NETO1: variants seen among roughly 807,000 people sequenced by gnomAD.
The protein encoded by NETO1 is neuropilin and tolloid-like protein 1.
In NETO1, 26 loss-of-function variants were observed where a neutral mutation model predicts 61.3. The observed-to-expected ratio is 0.42, with a 90% CI of 0.31 to 0.59. NETO1 has a LOEUF of 0.59. Ranked by LOEUF, NETO1 falls within the 20% of genes least tolerant of loss-of-function variation. The probability of loss-of-function intolerance (pLI) is 0.12; values close to 1 mark genes in which losing one functional copy is unlikely to be tolerated. For synonymous variants in NETO1, 225 were observed against 225.8 expected, an observed-to-expected ratio of 1.00 and a Z score of 0.03; for missense variants, 531 against 662.8, an observed-to-expected ratio of 0.80 and a Z score of 2.18.
chr18:72,751,054 C>CACACACAT (rs1205476345), intron 8 of NETO1, among the ~76,000 whole-genome samples: 2 of 151,250 alleles, frequency 1.3e-5, no homozygotes, highest in East Asian at 3.9e-4. Flanking sequence ...TTAAAATACA[C>CACACACAT]ACACACACAC....
At chr18:72,766,133 G>A (rs1374989654) in intron 7 of NETO1, among the ~76,000 whole-genome samples, 1 of 151,884 alleles carries the variant, frequency 6.6e-6, no homozygotes, top group Admixed American at 6.6e-5. Context: ...TTGAACCCAG[G>A]AGGTGGAGGT....
intron 4 of NETO1, 102 bp from the exon 5 acceptor site, chr18:72,794,506 A>T: frequency 4.4e-6 from 5 of 1,136,106 alleles, no homozygotes; most frequent in Non-Finnish European, 6.4e-6. Context: ...TACCTTAAAA[A>T]ACACATTAGG....
intron 1 of NETO1, chr18:72,865,774 G>T: frequency 7.7e-7 from 1 of 1,303,402 alleles, no homozygotes; most frequent in South Asian, 1.6e-5. Context: ...AGATTAATGT[G>T]GATTGTGGGC....
chr18:72,781,954 T>C (rs1412377008), intron 7 of NETO1, among the ~76,000 whole-genome samples: 3 of 152,136 alleles, frequency 2.0e-5, no homozygotes, highest in Non-Finnish European at 4.4e-5. Flanking sequence ...ACCCATATAA[T>C]AAGCATAGTA....
intron 3 of NETO1, among the ~76,000 whole-genome samples, chr18:72,861,420 ACT>A (rs199686427): frequency 0.011 from 1,688 of 152,240 alleles, 36 homozygotes; most frequent in African/African-American, 0.038. Context: ...AAGCTCTCTA[ACT>A]CTCTCAACTT....
intron 6 of NETO1, 127 bp downstream of exon 6, chr18:72,793,990 T>C: frequency 7.9e-7 from 1 of 1,258,274 alleles, no homozygotes; most frequent in Non-Finnish European, 1.1e-6. Flanking sequence ...AAAACCAAAA[T>C]GAAATCATAG....
intron 4 of NETO1, among the ~76,000 whole-genome samples, chr18:72,852,049 A>C (rs2074266504): frequency 6.6e-6 from 1 of 152,192 alleles, no homozygotes; most frequent in Non-Finnish European, 1.5e-5. Context: ...AATAATGGAA[A>C]TATATCTAGG....
At position 72,865,574 on chromosome 18, in the gene NETO1, C is replaced by T. The variant is rs201459002; in HGVS notation, c.29-333G>A. On this transcript the variant is annotated intron_variant, in intron 1 of 10. Transcript: ENST00000327305. ...GGAGTCACACTGTATCTAAACTACC[C>T]TTAGGGAATGGCTCTGCCAGCATCT... is the stretch of plus-strand genomic sequence containing the variant. 76 of 1,607,432 alleles carry T rather than the reference C, an allele frequency of 4.7e-5. No individual in the cohort carries two copies. In the African/African-American group the frequency reaches 9.9e-4, roughly 21 times the overall value.
At chr18:72,786,942 C>G (rs2071941475) in intron 6 of NETO1, among the ~76,000 whole-genome samples, 2 of 149,614 alleles carry the variant, frequency 1.3e-5, no homozygotes, top group African/African-American at 4.9e-5. Context: ...AAGGCTGGAG[C>G]AAAGAAGAAA....
chr18:72,764,281 T>G (rs143700256), intron 7 of NETO1, among the ~76,000 whole-genome samples: 1 of 152,296 alleles, frequency 6.6e-6, no homozygotes, highest in Non-Finnish European at 1.5e-5. Flanking sequence ...CTAGAATCTA[T>G]TACTCTGTTT....
intron 10 of NETO1, 178 bp from the exon 11 acceptor site, chr18:72,748,342 G>T: frequency 1.0e-6 from 1 of 972,610 alleles, no homozygotes; most frequent in Non-Finnish European, 1.2e-6. Context: ...GACAAATTAG[G>T]CTAATATAGA....
intron 4 of NETO1, among the ~76,000 whole-genome samples, chr18:72,848,273 A>C (rs1048119105): frequency 6.6e-6 from 1 of 152,150 alleles, no homozygotes; most frequent in Non-Finnish European, 1.5e-5. Flanking sequence ...GGCCACCAAG[A>C]TTCATATCAA....
intron 4 of NETO1, among the ~76,000 whole-genome samples, chr18:72,847,199 T>C (rs146255340): frequency 2.2e-3 from 330 of 152,342 alleles, no homozygotes; most frequent in African/African-American, 7.6e-3. Flanking sequence ...TCCTCCTGCT[T>C]TAAAAAGTCA....
At chr18:72,804,881 C>T (rs181047380) in intron 4 of NETO1, among the ~76,000 whole-genome samples, 1 of 152,268 alleles carries the variant, frequency 6.6e-6, no homozygotes, top group Admixed American at 6.5e-5. Context: ...GTCATTCATC[C>T]TTAATATTCT....
intron 1 of NETO1, 24 bp downstream of exon 1, chr18:72,867,239 CG>C: frequency 6.5e-7 from 1 of 1,530,518 alleles, no homozygotes; most frequent in Non-Finnish European, 8.8e-7. Context: ...CGGGAGCGCA[CG>C]GGCGCGGCGG....
chr18:72,805,440 C>A (rs1157361132), intron 4 of NETO1, among the ~76,000 whole-genome samples: 1 of 151,960 alleles, frequency 6.6e-6, no homozygotes, highest in Admixed American at 6.6e-5. Context: ...TTAGTTAGAT[C>A]CACGAAAATA....
intron 7 of NETO1, among the ~76,000 whole-genome samples, chr18:72,757,463 T>C (rs142197167): frequency 8.6e-4 from 131 of 152,152 alleles, no homozygotes; most frequent in Non-Finnish European, 1.6e-3. Context: ...ATTCAAGCAA[T>C]GTGATTCTTC....
At chr18:72,825,889 G>C (rs2073356598) in intron 4 of NETO1, among the ~76,000 whole-genome samples, 2 of 152,098 alleles carry the variant, frequency 1.3e-5, no homozygotes, top group South Asian at 4.1e-4. Flanking sequence ...TAAAACACTA[G>C]ATTTTTTTAG....
chr18:72,851,034 G>A (rs968797871), intron 4 of NETO1, among the ~76,000 whole-genome samples: 3 of 152,152 alleles, frequency 2.0e-5, no homozygotes, highest in Non-Finnish European at 2.9e-5. Context: ...GCCCTGAATA[G>A]AGGGATGGAG....
Sources: gnomAD v4.1 joint callset for allele counts (sites outside exome capture counted in the v4.1 genomes callset) on GRCh38, gnomAD v4.1.1 for gene constraint, MANE v1.5 for transcripts, NCBI Gene and HGNC (gene_info 2026-07-23, HGNC 2026-07-21) for gene names.